The following NF2 variants were observed in gnomAD, a reference collection of about 807,000 sequenced individuals.
NF2 encodes NF2, moesin-ezrin-radixin like (MERLIN) tumor suppressor.
In NF2, 8 loss-of-function variants were observed where a neutral mutation model predicts 83.7. The ratio of observed to expected loss-of-function variants is 0.10; its 90% confidence interval spans 0.06 to 0.17. The LOEUF (loss-of-function observed/expected upper bound fraction) is 0.17, where lower values mean the gene tolerates loss of function less well. Among genes scored for constraint, NF2 ranks in the 10% least tolerant of loss-of-function variants. The pLI, the probability that NF2 is intolerant of heterozygous loss-of-function variation, is 1.00. For synonymous variants in NF2, 266 were observed against 269.6 expected (o/e 0.99, Z 0.13); for missense variants, 533 against 744.4 (o/e 0.72, Z 3.31).
In NF2 at chr22:29,608,985, TG is replaced by T; in HGVS notation, c.114+4877del. The T allele has an allele frequency of 4.6e-6, 3 of 648,614 alleles. No individual in the cohort carries two copies. The South Asian group carries it at 5.1e-5, about 11-fold the overall frequency. The allele number at this position is 648,614 out of a possible 1,614,324, so 40.2% of individuals were successfully genotyped here. A position where few individuals can be genotyped will look rare whatever the true frequency, so the allele number is the denominator to read the frequency against. On this transcript the variant is annotated intron_variant, in intron 1 of 15. Transcript: ENST00000338641. ...CCCAGTGCCTCTGGATGCTAGACTCTGGGGTCGATTATCTCCACCGGAATGT... is the reference window on the plus strand; with the variant it reads ...CCCAGTGCCTCTGGATGCTAGACTCTGGGTCGATTATCTCCACCGGAATGT...
intron 15 of NF2, among the ~76,000 whole-genome samples, chr22:29,686,819 C>A (rs753849375): frequency 6.6e-6 from 1 of 152,084 alleles, no homozygotes; most frequent in African/African-American, 2.4e-5. Context: ...GCAGTGCTAG[C>A]GATCAAAAGC....
rs1601589425 is a variant in NF2 at position 29,642,208 on chromosome 22, A to C, written c.370A>C (p.Lys124Gln). The part of the protein sequence containing the change: ...TQHLFFLQVK[K>Q]QILDEKIYCP... ...CCCTTGTTGCTCCTTTCAGGTAAAGAAGCAGATTTTAGATGAAAAGATCTA... is the reference window on the plus strand; with the variant it reads ...CCCTTGTTGCTCCTTTCAGGTAAAGCAGCAGATTTTAGATGAAAAGATCTA... Residue 124 changes from lysine (K) to glutamine (Q), a missense_variant, in exon 4 of 16, where the codon AAG becomes CAG. By Grantham distance (53) the Lys-to-Gln change is moderately conservative. Coordinates refer to ENST00000338641, the MANE Select transcript of NF2 (RefSeq NM_000268.4). The C allele has an allele frequency of 1.2e-6, 2 of 1,613,228 alleles. No individual in the cohort carries two copies. Among genetic ancestry groups the C allele is most frequent in the Non-Finnish European group, 8.5e-7 (1 of 1,179,152 alleles).
chr22:29,686,036 T>C (rs1034672198), intron 15 of NF2, among the ~76,000 whole-genome samples: 3 of 152,112 alleles, frequency 2.0e-5, no homozygotes, highest in Non-Finnish European at 4.4e-5. Context: ...TACATGCAGC[T>C]ATAAAAAAGG....
chr22:29,688,167 AG>A (rs2067313563), intron 15 of NF2, among the ~76,000 whole-genome samples: 1 of 152,220 alleles, frequency 6.6e-6, no homozygotes, highest in African/African-American at 2.4e-5. Flanking sequence ...CTGGTCAAGC[AG>A]TTGTTCTTTG....
intron 2 of NF2, among the ~76,000 whole-genome samples, chr22:29,638,640 C>T (rs185790989): frequency 3.5e-4 from 53 of 152,228 alleles, no homozygotes; most frequent in Middle Eastern, 3.4e-3. Flanking sequence ...GTGTGAGCCA[C>T]CACGCCCAGC....
intron 8 of NF2, among the ~76,000 whole-genome samples, chr22:29,664,316 T>G (rs527581127): frequency 1.6e-4 from 24 of 150,526 alleles, no homozygotes; most frequent in East Asian, 3.9e-4. Flanking sequence ...CACCCACCCC[T>G]TCCTCCCTCT....
intron 4 of NF2, among the ~76,000 whole-genome samples, chr22:29,643,908 CCGGG>C (rs1420348448): frequency 1.1e-3 from 173 of 150,508 alleles, no homozygotes; most frequent in Non-Finnish European, 2.0e-3. Context: ...GGGCGGCTGG[CCGGG>C]CGGGGGGCTG....
intron 3 of NF2, among the ~76,000 whole-genome samples, chr22:29,641,591 T>A (rs954000504): frequency 6.6e-6 from 1 of 152,222 alleles, no homozygotes; most frequent in African/African-American, 2.4e-5. Flanking sequence ...GTCTGGAACA[T>A]CCCAAGTTGC....
At chr22:29,644,522 G>C (rs1465469660) in intron 4 of NF2, among the ~76,000 whole-genome samples, 2 of 133,010 alleles carry the variant, frequency 1.5e-5, no homozygotes, top group Non-Finnish European at 3.3e-5. Flanking sequence ...ACGGGGTGGC[G>C]GCCGGGCAGA....
intron 1 of NF2, among the ~76,000 whole-genome samples, chr22:29,634,675 A>G (rs1200065268): frequency 6.6e-6 from 1 of 152,222 alleles, no homozygotes; most frequent in Non-Finnish European, 1.5e-5. Context: ...TCTTGTAGCA[A>G]GGTAGTCATT....
At chr22:29,649,808 C>A in intron 4 of NF2, among the ~76,000 whole-genome samples, 1 of 150,518 alleles carries the variant, frequency 6.6e-6, no homozygotes. Context: ...ATGAGTAAGA[C>A]CTACTATTTG....
intron 8 of NF2, 113 bp downstream of exon 8, chr22:29,661,452 C>A: frequency 6.8e-7 from 1 of 1,475,014 alleles, no homozygotes; most frequent in Non-Finnish European, 9.4e-7. Flanking sequence ...TCCTTTAATT[C>A]CCAGGCTTTG....
Position 29,636,932 on chromosome 22 carries a change from C to T in NF2, c.240+56C>T, listed in dbSNP as rs2065665229. 2 of 1,612,326 alleles carry T rather than the reference C, an allele frequency of 1.2e-6. No homozygotes were observed. The highest frequency in any genetic ancestry group is 2.2e-5 in the East Asian group (1 of 44,876). On this transcript the variant is annotated intron_variant, in intron 2 of 15. Transcript: ENST00000338641. This position sits in a 1 kb window ranked among gnomAD's most constrained non-coding sequence, Gnocchi z 4.4. ...GCTGACGTGAGCTTTCCAGTTTTTC[C>T]CTGAGCAGGCGCCTAGCTCATCACT... is the stretch of plus-strand genomic sequence containing the variant.
intron 1 of NF2, among the ~76,000 whole-genome samples, chr22:29,632,080 G>GT (rs2065528247): frequency 1.3e-5 from 2 of 152,188 alleles, no homozygotes; most frequent in South Asian, 2.1e-4. Flanking sequence ...AACTTTCTGT[G>GT]TTTTTTGGTT....
chr22:29,689,676 G>A (rs1279700230), intron 15 of NF2, among the ~76,000 whole-genome samples: 1 of 152,122 alleles, frequency 6.6e-6, no homozygotes, highest in South Asian at 2.1e-4. Context: ...CCAGAGACTA[G>A]TTGAAGGAAT....
chr22:29,642,090 C>T, intron 3 of NF2, 112 bp from the exon 4 acceptor site: 1 of 842,808 alleles, frequency 1.2e-6, no homozygotes, highest in Non-Finnish European at 2.0e-6. Flanking sequence ...AAATTATTAA[C>T]AGGCTGCTCT....
At chr22:29,692,313 C>G (rs1275207747) in intron 15 of NF2, among the ~76,000 whole-genome samples, 1 of 152,198 alleles carries the variant, frequency 6.6e-6, no homozygotes, top group Non-Finnish European at 1.5e-5. Flanking sequence ...TTACTTGTGG[C>G]TGAGGCGAAG....
At chr22:29,622,646 A>ATTTTTTTT (rs35744962) in intron 1 of NF2, among the ~76,000 whole-genome samples, 11 of 63,260 alleles carry the variant, frequency 1.7e-4, no homozygotes, top group Non-Finnish European at 2.4e-4. Flanking sequence ...AAGACCCTGT[A>ATTTTTTTT]TTTTTTTTTT....
chr22:29,676,135 T>A (rs964761441), intron 13 of NF2, among the ~76,000 whole-genome samples: 1 of 152,200 alleles, frequency 6.6e-6, no homozygotes, highest in Non-Finnish European at 1.5e-5. Flanking sequence ...GCTGAACACC[T>A]GAGATGTGTT....
Sources: allele counts gnomAD v4.1 joint callset (sites outside exome capture counted in the v4.1 genomes callset), GRCh38; gene constraint gnomAD v4.1.1; non-coding constraint Gnocchi (gnomAD v3.1); transcripts MANE v1.5; gene names NCBI Gene and HGNC (gene_info 2026-07-23, HGNC 2026-07-21).